Variants in ZEB1 observed in about 807,000 individuals in gnomAD.
ZEB1 encodes zinc finger E-box-binding homeobox 1.
ZEB1 carries 21 observed loss-of-function variants against 84.9 expected under a neutral mutation model. The ratio of observed to expected loss-of-function variants is 0.25; its 90% confidence interval spans 0.18 to 0.36. ZEB1 has a LOEUF of 0.36. ZEB1 is among the 10% of genes least tolerant of loss of function. ZEB1 has a pLI of 1.00. For synonymous variants in ZEB1, 420 were observed against 471.1 expected (o/e 0.89, Z 1.41); for missense variants, 1,104 against 1,330.2 (o/e 0.83, Z 2.65).
chr10:31,398,251 T>TTA (rs1366237148), intron 1 of ZEB1, among the ~76,000 whole-genome samples: 12 of 152,176 alleles, frequency 7.9e-5, no homozygotes, highest in African/African-American at 2.9e-4. Context: ...CTCTTAAAAA[T>TTA]TATACTATTC....
At chr10:31,422,164 C>T (rs1020966958) in intron 1 of ZEB1, among the ~76,000 whole-genome samples, 2 of 152,136 alleles carry the variant, frequency 1.3e-5, no homozygotes, top group African/African-American at 4.8e-5. Context: ...TTGAATGGGG[C>T]AAAGCCTTTT....
intron 1 of ZEB1, among the ~76,000 whole-genome samples, chr10:31,435,743 G>T (rs1038135305): frequency 6.6e-6 from 1 of 152,194 alleles, no homozygotes; most frequent in African/African-American, 2.4e-5. Context: ...AAAATGTGGA[G>T]CCTTGCAGGA....
chr10:31,455,421 TTAAAC>T (rs1356954758), intron 1 of ZEB1, among the ~76,000 whole-genome samples: 1 of 152,134 alleles, frequency 6.6e-6, no homozygotes, highest in East Asian at 1.9e-4. Context: ...TGGGATCTAA[TTAAAC>T]TAAAGAGCTT....
Position 31,520,217 on chromosome 10 carries a change from C to T in ZEB1, c.885C>T (p.Ser295=). The T allele has an allele frequency of 6.2e-7, 1 of 1,613,982 alleles. No homozygotes were observed. Among genetic ancestry groups the T allele is most frequent in the Non-Finnish European group, 8.5e-7 (1 of 1,179,916 alleles). ...SSHISSKKCI[S]LIPVNGRPRT... is the part of the protein sequence containing the mutation. ...ACATAAGCAGTAAGAAATGTATCAG[C>T]TTGATACCTGTGAATGGGCGACCAA... Residue 295 remains serine, a synonymous_variant, in exon 7 of 9, where the codon AGC becomes AGT. Coordinates refer to ENST00000424869, the MANE Select transcript of ZEB1 (RefSeq NM_001174096.2). The surrounding 1 kb of genome is among the most constrained non-coding windows in gnomAD (Gnocchi z 5.1).
At position 31,428,672 on chromosome 10, in the gene ZEB1, T is replaced by C. The variant is rs534051614; in HGVS notation, c.59-32365T>C. On this transcript the variant is annotated intron_variant, in intron 1 of 8. Coordinates refer to ENST00000424869, the MANE Select transcript of ZEB1 (RefSeq NM_001174096.2). ...GAGTAGAGTGTTAAGTTTCCCACTA[T>C]TACTGTATGAGAGTCTCAGTCTCTT... Among the ~76,000 whole-genome samples the C allele has an allele frequency of 7.9e-5, 12 of 152,144 alleles. No homozygotes were observed. The South Asian group carries it at 2.1e-3, about 26-fold the overall frequency.
At chr10:31,384,963 TC>T (rs1223631245) in intron 1 of ZEB1, among the ~76,000 whole-genome samples, 6 of 151,998 alleles carry the variant, frequency 3.9e-5, no homozygotes, top group African/African-American at 1.5e-4. Flanking sequence ...TTTCACCCCT[TC>T]CCCCCAAAGT....
upstream of ZEB1, chr10:31,319,077 G>C (rs2032905309): frequency 1.5e-6 from 1 of 668,238 alleles, no homozygotes; most frequent in Admixed American, 2.1e-5. Context: ...GCCGTAGAGC[G>C]AGAGCCTCTA....
At position 31,444,563 on chromosome 10, in the gene ZEB1, T is replaced by G. The variant is rs1236901065; in HGVS notation, c.59-16474T>G. On this transcript the variant is annotated intron_variant, in intron 1 of 8. Transcript: ENST00000424869. The stretch of plus-strand genomic sequence containing the variant: ...TGGTTTTAGGTCTAAAGTTTAAATC[T>G]TTAATCCATCTTGAATTGATTTTTG... Among the ~76,000 whole-genome samples the G allele has an allele frequency of 2.0e-5, 3 of 151,522 alleles. No homozygotes were observed. In the East Asian group the frequency reaches 5.8e-4, roughly 29 times the overall value.
At chr10:31,387,688 C>T (rs950846522) in intron 1 of ZEB1, 13 of 915,710 alleles carry the variant, frequency 1.4e-5, no homozygotes, top group Non-Finnish European at 1.6e-5. Flanking sequence ...TTTTCATGAT[C>T]TTTTTGAAGC....
At chr10:31,360,707 A>C (rs1174082404) in intron 1 of ZEB1, among the ~76,000 whole-genome samples, 1 of 152,250 alleles carries the variant, frequency 6.6e-6, no homozygotes, top group Admixed American at 6.5e-5. Context: ...TTTTTATCCG[A>C]GTCTAATCAC....
At chr10:31,514,516 A>G in intron 5 of ZEB1, 87 bp from the exon 6 acceptor site, 1 of 1,217,504 alleles carries the variant, frequency 8.2e-7, no homozygotes, top group Non-Finnish European at 1.2e-6. Flanking sequence ...CATCAGGCTC[A>G]CAAAAATGTC....
At chr10:31,418,337 G>A (rs1329567291) in intron 1 of ZEB1, among the ~76,000 whole-genome samples, 1 of 151,974 alleles carries the variant, frequency 6.6e-6, no homozygotes, top group African/African-American at 2.4e-5. Context: ...AGGGGAGTTG[G>A]AAGAAGTCAT....
chr10:31,499,242 C>T (rs2067744916), intron 3 of ZEB1, among the ~76,000 whole-genome samples: 1 of 152,060 alleles, frequency 6.6e-6, no homozygotes, highest in South Asian at 2.1e-4. Flanking sequence ...ACTAATGATA[C>T]CTGTTTTGGG....
At chr10:31,358,157 A>T (rs542229101) in intron 1 of ZEB1, 2 of 152,334 alleles carry the variant, frequency 1.3e-5, no homozygotes, top group South Asian at 4.1e-4. Context: ...CAGGACAGTC[A>T]GCTTACCCTG....
intron 6 of ZEB1, among the ~76,000 whole-genome samples, chr10:31,519,006 G>C (rs555909082): frequency 6.6e-6 from 1 of 152,236 alleles, no homozygotes; most frequent in Admixed American, 6.5e-5. Flanking sequence ...TTCTTAAAAA[G>C]AGCAGGAGAT....
intron 2 of ZEB1, among the ~76,000 whole-genome samples, chr10:31,472,170 A>C (rs2063356062): frequency 6.6e-6 from 1 of 151,584 alleles, no homozygotes; most frequent in Non-Finnish European, 1.5e-5. Context: ...GCAAGAGCAA[A>C]CACATTCAAA....
In ZEB1 at chr10:31,328,161, A is replaced by G. The variant is rs189463024; in HGVS notation, c.58+8869A>G. Among the ~76,000 whole-genome samples the G allele has an allele frequency of 3.9e-5, 6 of 152,182 alleles. No individual in the cohort carries two copies. In the East Asian group the frequency reaches 7.7e-4, roughly 20 times the overall value. ...AAGATATTTTCCTGGATTTTCTTCT[A>G]TTAGTTTCTTAGTTGTATTTTTTGT... On this transcript the variant is annotated intron_variant, in intron 1 of 8. Transcript: ENST00000424869.
At chr10:31,384,165 G>A (rs892420811) in intron 1 of ZEB1, among the ~76,000 whole-genome samples, 2 of 151,626 alleles carry the variant, frequency 1.3e-5, no homozygotes, top group African/African-American at 4.8e-5. Flanking sequence ...TAGTAGAGAC[G>A]GGGTTTCTCC....
At chr10:31,495,901 T>G (rs959032263) in intron 3 of ZEB1, 63 bp downstream of exon 3, 1 of 1,571,654 alleles carries the variant, frequency 6.4e-7, no homozygotes, top group Non-Finnish European at 8.8e-7. Flanking sequence ...TGTCACTGAT[T>G]TCGCATTTGT....
Sources: gnomAD v4.1 joint callset for allele counts (sites outside exome capture counted in the v4.1 genomes callset) on GRCh38, gnomAD v4.1.1 for gene constraint, Gnocchi (gnomAD v3.1) non-coding constraint, MANE v1.5 for transcripts, NCBI Gene and HGNC (gene_info 2026-07-23, HGNC 2026-07-21) for gene names.